C12orf42: variants seen among roughly 807,000 people sequenced by gnomAD.
C12orf42 encodes uncharacterized protein C12orf42.
In C12orf42, 25 loss-of-function variants were observed where a neutral mutation model predicts 21.6. That is an observed-to-expected ratio of 1.16 (90% CI 0.84 to 1.62). The LOEUF (loss-of-function observed/expected upper bound fraction) is 1.62, where lower values mean the gene tolerates loss of function less well. Ranked by LOEUF, C12orf42 falls within the 40% of genes most tolerant of loss-of-function variation. The pLI, the probability that C12orf42 is intolerant of heterozygous loss-of-function variation, is 0.00. For missense variants in C12orf42, 483 were observed against 459.3 expected, an observed-to-expected ratio of 1.05 and a Z score of -0.47; for synonymous variants, 174 against 175.0, an observed-to-expected ratio of 0.99 and a Z score of 0.05.
At chr12:103,196,384 G>A in the C12orf42 span, among the ~76,000 whole-genome samples, 10 of 152,110 alleles carry the variant, frequency 6.6e-5, no homozygotes, top group South Asian at 2.1e-4. Flanking sequence ...TATACACCAC[G>A]TACAGATGAG....
chr12:103,475,262 A>T (rs1189975142), intron 2 of C12orf42, among the ~76,000 whole-genome samples: 1 of 152,178 alleles, frequency 6.6e-6, no homozygotes, highest in African/African-American at 2.4e-5. Flanking sequence ...GCTGCCCCAC[A>T]CTGGGCCCCC....
chr12:103,432,391 G>C (rs1210922723), intron 2 of C12orf42, among the ~76,000 whole-genome samples: 1 of 152,148 alleles, frequency 6.6e-6, no homozygotes, highest in Non-Finnish European at 1.5e-5. Flanking sequence ...ACTGATGCTT[G>C]CCTGACCCTC....
chr12:103,187,298 T>G, the C12orf42 span, among the ~76,000 whole-genome samples: 1 of 152,184 alleles, frequency 6.6e-6, no homozygotes, highest in African/African-American at 2.4e-5. Flanking sequence ...TAAGTACAAT[T>G]AACTGCCTTA....
chr12:103,425,199 G>A (rs915616815), intron 2 of C12orf42, among the ~76,000 whole-genome samples: 5 of 152,182 alleles, frequency 3.3e-5, no homozygotes, highest in African/African-American at 9.6e-5. Flanking sequence ...GGGGCTTATA[G>A]ATAAAAATCC....
the C12orf42 span, among the ~76,000 whole-genome samples, chr12:103,180,347 A>T: frequency 6.6e-6 from 1 of 152,146 alleles, no homozygotes; most frequent in Non-Finnish European, 1.5e-5. Context: ...GGCAATAACG[A>T]ACTAAAGATT....
At chr12:103,488,174 T>C (rs937057399) in intron 1 of C12orf42, among the ~76,000 whole-genome samples, 1 of 152,220 alleles carries the variant, frequency 6.6e-6, no homozygotes, top group Non-Finnish European at 1.5e-5. Flanking sequence ...CTCTCAGCAT[T>C]TGCTTGTCTG....
chr12:103,450,757 T>G (rs1020359722), intron 2 of C12orf42, among the ~76,000 whole-genome samples: 1 of 152,132 alleles, frequency 6.6e-6, no homozygotes, highest in Non-Finnish European at 1.5e-5. Context: ...TCCTTTGAGA[T>G]GTGATTCCTT....
chr12:103,111,928 A>C, the C12orf42 span, among the ~76,000 whole-genome samples: 1 of 152,250 alleles, frequency 6.6e-6, no homozygotes, highest in Non-Finnish European at 1.5e-5. Context: ...TGATAAGAAC[A>C]AACCCTGTCT....
chr12:103,420,767 C>G (rs544168675), intron 2 of C12orf42, among the ~76,000 whole-genome samples: 1 of 152,176 alleles, frequency 6.6e-6, no homozygotes, highest in East Asian at 1.9e-4. Flanking sequence ...GATCTGCCCG[C>G]CTCGGCCTCC....
the C12orf42 span, among the ~76,000 whole-genome samples, chr12:103,152,783 CAT>C: frequency 0.15 from 23,455 of 151,764 alleles, 2,179 homozygotes; most frequent in African/African-American, 0.26. Flanking sequence ...AAAGCAGACA[CAT>C]GTGAGAAGTA....
intron 4 of C12orf42, among the ~76,000 whole-genome samples, chr12:103,312,467 C>G: frequency 6.6e-6 from 1 of 152,206 alleles, no homozygotes; most frequent in East Asian, 1.9e-4. Flanking sequence ...GAAATGATAT[C>G]TTTAAAAGGT....
chr12:103,164,559 G>A, the C12orf42 span: 10 of 428,192 alleles, frequency 2.3e-5, no homozygotes, highest in Non-Finnish European at 4.7e-5. Context: ...ACAGGGGGTG[G>A]GTGCCAGTAT....
At chr12:103,339,771 A>G (rs11111534) in intron 4 of C12orf42, among the ~76,000 whole-genome samples, 19,008 of 152,210 alleles carry the variant, frequency 0.12, 1,493 homozygotes, top group African/African-American at 0.23. Context: ...CACTTTTGTT[A>G]TATTTCATTT....
chr12:103,088,404 G>C, the C12orf42 span, among the ~76,000 whole-genome samples: 1 of 152,144 alleles, frequency 6.6e-6, no homozygotes, highest in Non-Finnish European at 1.5e-5. Context: ...GACACTTATG[G>C]GACAGTTGGC....
the C12orf42 span, among the ~76,000 whole-genome samples, chr12:103,208,204 G>C: frequency 8.3e-4 from 126 of 152,192 alleles, no homozygotes; most frequent in Non-Finnish European, 9.7e-4. Context: ...TGCACAAAAG[G>C]TGCGCTGGGG....
chr12:103,411,860 C>G (rs2048876171), intron 2 of C12orf42, among the ~76,000 whole-genome samples: 3 of 152,160 alleles, frequency 2.0e-5, no homozygotes, highest in Admixed American at 1.3e-4. Context: ...TGCATGCACA[C>G]AAACACACAC....
chr12:103,120,612 G>A, the C12orf42 span, among the ~76,000 whole-genome samples: 785 of 151,906 alleles, frequency 5.2e-3, 5 homozygotes, highest in South Asian at 0.016. Context: ...TCAATAAGAT[G>A]GGGATATAAA....
chr12:103,412,404 C>T (rs940739230), intron 2 of C12orf42, among the ~76,000 whole-genome samples: 5 of 152,212 alleles, frequency 3.3e-5, no homozygotes, highest in Admixed American at 3.3e-4. Context: ...CGCAGTAGCT[C>T]ACGCCTGTAA....
intron 4 of C12orf42, among the ~76,000 whole-genome samples, chr12:103,330,479 T>C (rs1211060932): frequency 6.6e-6 from 1 of 152,224 alleles, no homozygotes. Context: ...GGATAATCTG[T>C]AACCATTAGC....
Sources: allele counts gnomAD v4.1 joint callset (sites outside exome capture counted in the v4.1 genomes callset), GRCh38; gene constraint gnomAD v4.1.1; transcripts MANE v1.5; gene names NCBI Gene and HGNC (gene_info 2026-07-23, HGNC 2026-07-21).